The following MAPK12 variants were observed in gnomAD, a reference collection of about 807,000 sequenced individuals.
MAPK12 encodes the protein MAP kinase 12.
In MAPK12, 49 loss-of-function variants were observed where a neutral mutation model predicts 49.1. The ratio of observed to expected loss-of-function variants is 1.00; its 90% CI spans 0.79 to 1.27. The LOEUF (loss-of-function observed/expected upper bound fraction) is 1.27, where lower values mean the gene tolerates loss of function less well. MAPK12 is among the 50% of genes most tolerant of loss of function. The pLI is 0.00. For missense variants in MAPK12, 554 were observed against 502.4 expected, an observed-to-expected ratio of 1.10 and a Z score of -0.98; for synonymous variants, 251 against 209.7, an observed-to-expected ratio of 1.20 and a Z score of -1.70.
chr22:50,261,197 C>A lies in MAPK12; in HGVS notation c.225G>T (p.Leu75=). The A allele has an allele frequency of 6.3e-7, 1 of 1,592,900 alleles. No homozygotes were observed. The highest frequency in any genetic ancestry group is 1.7e-5 in the Admixed American group (1 of 58,544). The stretch of plus-strand genomic sequence containing the variant: ...CGTGGCGCATGTGCTTGAGCAGGCG[C>A]AGCTCGCGGTAGGCGCGCTTGGCGA... ...ELFAKRAYRE[L]RLLKHMRHEN... Residue 75 remains leucine (L), a synonymous_variant, in exon 2 of 12, where the codon CTG becomes CTT. Transcript: ENST00000215659.
chr22:50,255,391 G>A, intron 10 of MAPK12, 21 bp from the exon 11 acceptor site: 1 of 1,612,876 alleles, frequency 6.2e-7, no homozygotes, highest in Non-Finnish European at 8.5e-7. Flanking sequence ...AGGTGCATCA[G>A]GCCAGACCAC....
At chr22:50,261,351 G>A (rs2065211838) in intron 1 of MAPK12, 34 bp downstream of exon 1, 2 of 1,124,594 alleles carry the variant, frequency 1.8e-6, no homozygotes, top group Non-Finnish European at 2.2e-6. Flanking sequence ...GGCCCCGCCC[G>A]CCCCGCCGGC....
chr22:50,255,271 G>A lies in MAPK12; in HGVS notation c.950C>T (p.Thr317Met), dbSNP rs140312551. 4.6e-5 allele frequency: 74 copies of A among 1,613,740 alleles called. No homozygotes were observed. Among genetic ancestry groups the A allele is most frequent in the Admixed American group, 8.3e-5 (5 of 60,008 alleles). The change falls in exon 11 of 12, where the codon ACG (threonine) becomes ATG (methionine). Residue 317 changes from threonine to methionine, a missense_variant. Transcript: ENST00000215659. ...CTTCTGGACCTGGGGCTCATCTTCC[G>A]TGTCGTGCAGGGACTCGAAGTAGGG... ...AHPYFESLHD[T>M]EDEPQVQKYD... is the part of the protein sequence containing the mutation.
At chr22:50,255,777 C>G in intron 8 of MAPK12, 33 bp downstream of exon 8, 1 of 1,611,666 alleles carries the variant, frequency 6.2e-7, no homozygotes, top group Non-Finnish European at 8.5e-7. Context: ...CATCCCCACC[C>G]GCCCCTGGTG....
At chr22:50,254,851 C>T (rs923341589) in intron 11 of MAPK12, 13 of 1,193,680 alleles carry the variant, frequency 1.1e-5, no homozygotes, top group Non-Finnish European at 1.3e-5. Flanking sequence ...CCTTTCACCA[C>T]TCCCGGCTCC....
At position 50,253,286 on chromosome 22, in the gene MAPK12, C is replaced by A; in HGVS notation, c.*115G>T. The A allele has an allele frequency of 1.3e-6, 1 of 794,678 alleles. No homozygotes were observed. Among genetic ancestry groups the A allele is most frequent in the Non-Finnish European group, 2.2e-6 (1 of 457,646 alleles). 49.2% of individuals were successfully genotyped at this position (794,678 alleles called of 1,614,324 possible). On this transcript the variant is annotated 3_prime_UTR_variant, in exon 12 of 12. Transcript: ENST00000215659. ...AGGGTCCATGGAACCCGGGCGTCTG[C>A]TCTGATGGATGCCTTGGGATGCAAG... is the stretch of plus-strand genomic sequence containing the variant.
In MAPK12 at chr22:50,255,700, C is replaced by G; in HGVS notation, c.692-6G>C. On this transcript the variant is annotated splice_region_variant and splice_polypyrimidine_tract_variant and intron_variant, in intron 8 of 11. Coordinates refer to ENST00000215659, the MANE Select transcript of MAPK12 (RefSeq NM_002969.6). Reference sequence around the variant, plus strand: ...CTCCTTCAGCTGGTCCAGGTCTGCACCGAGGTCAGGAACACAGCTCGGGGG... The same window carrying G: ...CTCCTTCAGCTGGTCCAGGTCTGCAGCGAGGTCAGGAACACAGCTCGGGGG... The G allele has an allele frequency of 6.2e-7, 1 of 1,609,912 alleles. No homozygotes were observed. The highest frequency in any genetic ancestry group is 8.5e-7 in the Non-Finnish European group (1 of 1,179,934).
At chr22:50,253,501 G>GGGGGGGGGGGGGGGGGGAA in intron 11 of MAPK12, 21 bp from the exon 12 acceptor site, 1 of 354,170 alleles carries the variant, frequency 2.8e-6, no homozygotes, top group South Asian at 2.1e-5. Flanking sequence ...TGGGGGGGCG[G>GGGGGGGGGGGGGGGGGGAA]GCACAACAGA....
intron 2 of MAPK12, among the ~76,000 whole-genome samples, chr22:50,260,026 T>TG (rs66675266): frequency 0.038 from 281 of 7,428 alleles, no homozygotes; most frequent in Middle Eastern, 0.2. Flanking sequence ...GGGCGGGTGG[T>TG]GGGGGGGTGC....
At chr22:50,257,636 A>AAGGCATCTGGGTCAGAGG in intron 3 of MAPK12, 1 of 577,540 alleles carries the variant, frequency 1.7e-6, no homozygotes, top group Non-Finnish European at 3.1e-6. Flanking sequence ...GGGGCGCGGC[A>AAGGCATCTGGGTCAGAGG]AGGCATCTGG....
chr22:50,254,195 G>A (rs2065125448), intron 11 of MAPK12: 1 of 152,988 alleles, frequency 6.5e-6, no homozygotes, highest in South Asian at 2.1e-4. Context: ...CACAGGCTTT[G>A]GCCAGCCCTC....
intron 7 of MAPK12, 31 bp from the exon 8 acceptor site, chr22:50,255,912 G>A (rs1450428551): frequency 6.3e-7 from 1 of 1,598,650 alleles, no homozygotes; most frequent in African/African-American, 1.3e-5. Context: ...AGCTCCGTGG[G>A]CAGGGGGACA....
At position 50,255,699 on chromosome 22, in the gene MAPK12, A is replaced by G; in HGVS notation, c.692-5T>C. 1 of 1,609,602 alleles carries G rather than the reference A, an allele frequency of 6.2e-7. No individual in the cohort carries two copies. The highest frequency in any genetic ancestry group is 1.3e-5 in the African/African-American group (1 of 74,892). ...TCTCCTTCAGCTGGTCCAGGTCTGC[A>G]CCGAGGTCAGGAACACAGCTCGGGG... is the stretch of plus-strand genomic sequence containing the variant. On this transcript the variant is annotated splice_region_variant and splice_polypyrimidine_tract_variant and intron_variant, in intron 8 of 11. Coordinates refer to ENST00000215659, the MANE Select transcript of MAPK12 (RefSeq NM_002969.6).
Position 50,257,072 on chromosome 22 carries a change from G to C in MAPK12, c.426+10C>G. 1 of 1,611,276 alleles carries C rather than the reference G, an allele frequency of 6.2e-7. No individual in the cohort carries two copies. The highest frequency in any genetic ancestry group is 8.5e-7 in the Non-Finnish European group (1 of 1,179,276). On this transcript the variant is annotated intron_variant, in intron 4 of 11. Transcript: ENST00000215659. Reference sequence around the variant, plus strand: ...GCCTGCCTCCCTGCAGCCTCCCCCGGGGCCCGTACCCTCAGCCCCTTCAGC... The same window carrying C: ...GCCTGCCTCCCTGCAGCCTCCCCCGCGGCCCGTACCCTCAGCCCCTTCAGC...
chr22:50,261,554 C>T lies in MAPK12; in HGVS notation c.-45G>A. 4 of 1,048,322 alleles carry T rather than the reference C, an allele frequency of 3.8e-6. No homozygotes were observed. The highest frequency in any genetic ancestry group is 8.1e-5 in the East Asian group (1 of 12,408). The allele number at this position is 1,048,322 out of a possible 1,614,324, so 64.9% of individuals were successfully genotyped here. On this transcript the variant is annotated 5_prime_UTR_variant, in exon 1 of 12. Transcript: ENST00000215659. ...CACCCCGCAGAGCCTGCGGGCGGTGCCCCCACGACCGGGGACGGGGCTCCC... is the reference window on the plus strand; with the variant it reads ...CACCCCGCAGAGCCTGCGGGCGGTGTCCCCACGACCGGGGACGGGGCTCCC...
chr22:50,260,981 T>G, intron 2 of MAPK12, 186 bp downstream of exon 2: 2 of 628,446 alleles, frequency 3.2e-6, no homozygotes, highest in Non-Finnish European at 4.9e-6. Context: ...GGAACGGCCC[T>G]TGGGGGAGTC....
At chr22:50,255,914 A>G in intron 7 of MAPK12, 33 bp from the exon 8 acceptor site, 2 of 1,601,454 alleles carry the variant, frequency 1.2e-6, no homozygotes, top group Non-Finnish European at 8.5e-7. Flanking sequence ...CTCCGTGGGC[A>G]GGGGGACAGG....
chr22:50,256,326 A>G (rs563364573), intron 6 of MAPK12, 127 bp from the exon 7 acceptor site: 3 of 769,592 alleles, frequency 3.9e-6, no homozygotes, highest in East Asian at 2.7e-5. Context: ...ACAACCTTCA[A>G]GGACTTGAGG....
chr22:50,259,293 C>G (rs774722832), intron 2 of MAPK12, among the ~76,000 whole-genome samples: 104 of 151,982 alleles, frequency 6.8e-4, no homozygotes, highest in Non-Finnish European at 1.3e-3. Context: ...CTGGAGGGTG[C>G]CCGGGAGAGT....
Sources: allele counts gnomAD v4.1 joint callset (sites outside exome capture counted in the v4.1 genomes callset), GRCh38; gene constraint gnomAD v4.1.1; transcripts MANE v1.5; gene names NCBI Gene and HGNC (gene_info 2026-07-23, HGNC 2026-07-21).